ZNF71: variants seen among roughly 807,000 people sequenced by gnomAD.
ZNF71 encodes the protein endothelial zinc finger protein induced by tumor necrosis factor alpha.
A neutral mutation model predicts 6.7 loss-of-function variants in ZNF71; 3 were observed. That is an observed-to-expected ratio of 0.45 (90% CI 0.20 to 1.16). The LOEUF (loss-of-function observed/expected upper bound fraction) is 1.16. Ranked by LOEUF, ZNF71 falls within the 50% of genes most tolerant of loss-of-function variation. The pLI, the probability that ZNF71 is intolerant of heterozygous loss-of-function variation, is 0.25. For missense variants in ZNF71, 688 were observed against 728.6 expected (o/e 0.94, Z 0.64); for synonymous variants, 343 against 311.1 (o/e 1.10, Z -1.08).
chr19:56,595,965 G>A (rs779800346), intron 1 of ZNF71, among the ~76,000 whole-genome samples: 21 of 150,046 alleles, frequency 1.4e-4, no homozygotes, highest in Non-Finnish European at 3.0e-4. Context: ...ATGTATGTCC[G>A]TGTGGGTCAT....
chr19:56,623,540 T>C lies in ZNF71; in HGVS notation c.*783T>C, dbSNP rs1292952991. Reference sequence around the variant, plus strand: ...AAAAGAAACAGCAGCAGGTTTGATATTCAGAAAGAAATATGCATGGATTCA... The same window carrying C: ...AAAAGAAACAGCAGCAGGTTTGATACTCAGAAAGAAATATGCATGGATTCA... On this transcript the variant is annotated 3_prime_UTR_variant, in exon 4 of 4. Transcript: ENST00000599599. 2 of 167,096 alleles carry C rather than the reference T, an allele frequency of 1.2e-5. No homozygotes were observed. The highest frequency in any genetic ancestry group is 4.8e-5 in the African/African-American group (2 of 41,444). The allele number at this position is 167,096 out of a possible 1,614,324, so 10.4% of individuals were successfully genotyped here. A position where few individuals can be genotyped will look rare whatever the true frequency, so the allele number is the denominator to read the frequency against.
At position 56,622,821 on chromosome 19, in the gene ZNF71, GT is replaced by G. The variant is rs1348849042; in HGVS notation, c.*65del. 1 of 1,535,966 alleles carries G rather than the reference GT, an allele frequency of 6.5e-7. No individual in the cohort carries two copies. The highest frequency in any genetic ancestry group is 1.4e-5 in the African/African-American group (1 of 72,770). Reference sequence around the variant, plus strand: ...CGGACGCCAGATGGCTGCGCGCTTTGTCAGCAGTGCTGTGAGAAGTTCTCCC... The same window carrying G: ...CGGACGCCAGATGGCTGCGCGCTTTGCAGCAGTGCTGTGAGAAGTTCTCCC... On this transcript the variant is annotated 3_prime_UTR_variant, in exon 4 of 4. Transcript: ENST00000599599.
At chr19:56,619,065 G>C (rs1196087932) in intron 3 of ZNF71, among the ~76,000 whole-genome samples, 1 of 152,190 alleles carries the variant, frequency 6.6e-6, no homozygotes, top group African/African-American at 2.4e-5. Flanking sequence ...CTTGCCAGCA[G>C]TCAGGACGGT....
chr19:56,622,862 C>G lies in ZNF71; in HGVS notation c.*105C>G. 7.0e-7 allele frequency: 1 copy of G among 1,435,110 alleles called. No homozygotes were observed. Among genetic ancestry groups the G allele is most frequent in the Non-Finnish European group, 9.3e-7 (1 of 1,072,370 alleles). 88.9% of individuals were successfully genotyped at this position (1,435,110 alleles called of 1,614,324 possible). ...GAAGTTCTCCCCTGGGGTGGGGACT[C>G]GGGGTCAGGGGAGCTCAGGAATGTG... On this transcript the variant is annotated 3_prime_UTR_variant, in exon 4 of 4. Coordinates refer to ENST00000599599, the MANE Select transcript of ZNF71 (RefSeq NM_001370215.1).
At chr19:56,612,640 G>T (rs2044760440) in intron 2 of ZNF71, among the ~76,000 whole-genome samples, 1 of 151,704 alleles carries the variant, frequency 6.6e-6, no homozygotes, top group Non-Finnish European at 1.5e-5. Flanking sequence ...CAAGGTGGCA[G>T]GGGGGTGAGG....
chr19:56,621,113 C>T (rs2044841506), intron 3 of ZNF71, among the ~76,000 whole-genome samples, 155 bp from the exon 4 acceptor site: 1 of 152,248 alleles, frequency 6.6e-6, no homozygotes. Flanking sequence ...TCCCTCCTCC[C>T]TCCCTCTCTG....
chr19:56,595,750 GTC>G (rs2044615087), intron 1 of ZNF71, among the ~76,000 whole-genome samples: 1 of 152,074 alleles, frequency 6.6e-6, no homozygotes, highest in Non-Finnish European at 1.5e-5. Flanking sequence ...TTGTGAATGT[GTC>G]TGTGTGTGTG....
chr19:56,605,794 CTG>C (rs2044706368), intron 2 of ZNF71, among the ~76,000 whole-genome samples: 1 of 152,346 alleles, frequency 6.6e-6, no homozygotes, highest in Admixed American at 6.5e-5. Flanking sequence ...CTGGGACACT[CTG>C]TGATATTTAT....
intron 2 of ZNF71, among the ~76,000 whole-genome samples, chr19:56,606,049 G>A (rs1256450872): frequency 6.6e-6 from 1 of 152,188 alleles, no homozygotes; most frequent in Non-Finnish European, 1.5e-5. Context: ...CTACATAGTA[G>A]GGTTCTTTTG....
At position 56,618,612 on chromosome 19, in the gene ZNF71, T is replaced by TG. The variant is rs1022629221; in HGVS notation, c.161-2653dup. On this transcript the variant is annotated intron_variant, in intron 3 of 3. Coordinates refer to ENST00000599599, the MANE Select transcript of ZNF71 (RefSeq NM_001370215.1). This position sits in a 1 kb window ranked among gnomAD's most constrained non-coding sequence, Gnocchi z 4.6. ...CCTTCCTTCCTTACGTAGGGTGGATTGGGAAGGCTCCCGTGGGGTTGTGGG... is the reference window on the plus strand; with the variant it reads ...CCTTCCTTCCTTACGTAGGGTGGATTGGGGAAGGCTCCCGTGGGGTTGTGGG... Among the ~76,000 whole-genome samples the TG allele has an allele frequency of 1.3e-5, 2 of 152,122 alleles. No individual in the cohort carries two copies. The highest frequency in any genetic ancestry group is 4.8e-5 in the African/African-American group (2 of 41,424).
At chr19:56,605,386 T>G (rs549831398) in intron 2 of ZNF71, among the ~76,000 whole-genome samples, 2 of 152,316 alleles carry the variant, frequency 1.3e-5, no homozygotes, top group South Asian at 2.1e-4. Context: ...AGGCCTCAGC[T>G]GTGCCATCCA....
intron 2 of ZNF71, among the ~76,000 whole-genome samples, chr19:56,609,738 T>G (rs2044736542): frequency 6.6e-6 from 1 of 150,400 alleles, no homozygotes; most frequent in Admixed American, 6.6e-5. Flanking sequence ...ATATGGATTT[T>G]GCCTGTCCCG....
chr19:56,618,101 T>C lies in ZNF71; in HGVS notation c.161-3167T>C, dbSNP rs2044811527. On this transcript the variant is annotated intron_variant, in intron 3 of 3. Coordinates refer to ENST00000599599, the MANE Select transcript of ZNF71 (RefSeq NM_001370215.1). This position sits in a 1 kb window ranked among gnomAD's most constrained non-coding sequence, Gnocchi z 4.6. ...ACTAGGGTCTCTAAACCACAATCAT[T>C]CTCCTGCATGAAGTATTTCTCAGTT... 6.6e-6 allele frequency among the ~76,000 whole-genome samples: 1 copy of C among 152,160 alleles called. No individual in the cohort carries two copies. The highest frequency in any genetic ancestry group is 1.5e-5 in the Non-Finnish European group (1 of 68,018).
At chr19:56,612,631 A>G (rs2044760341) in intron 2 of ZNF71, among the ~76,000 whole-genome samples, 1 of 152,154 alleles carries the variant, frequency 6.6e-6, no homozygotes, top group African/African-American at 2.4e-5. Context: ...AGAAGCGGGC[A>G]AGGTGGCAGG....
In ZNF71 at chr19:56,622,512, C is replaced by T. The variant is rs141044734; in HGVS notation, c.1405C>T (p.Pro469Ser). The T allele has an allele frequency of 6.2e-7, 1 of 1,610,132 alleles. No individual in the cohort carries two copies. The highest frequency in any genetic ancestry group is 1.3e-5 in the African/African-American group (1 of 74,864). Residue 469 changes from proline to serine, a missense_variant, in exon 4 of 4, where the codon CCC becomes TCC. Pro to Ser is a moderately conservative substitution (Grantham distance 74). Coordinates refer to ENST00000599599, the MANE Select transcript of ZNF71 (RefSeq NM_001370215.1). ...VHQIVHTGEK[P>S]YVCGECGKAF... The stretch of plus-strand genomic sequence containing the variant: ...CCAGATCGTGCACACCGGGGAGAAG[C>T]CCTACGTGTGCGGCGAGTGCGGCAA...
chr19:56,600,493 G>A (rs372702246), intron 1 of ZNF71, among the ~76,000 whole-genome samples: 1 of 15,630 alleles, frequency 6.4e-5, no homozygotes, highest in Non-Finnish European at 1.5e-4. Context: ...CACCGCGCCC[G>A]GCCCTCTGTA....
At chr19:56,612,956 T>C (rs898394881) in intron 2 of ZNF71, among the ~76,000 whole-genome samples, 4 of 152,158 alleles carry the variant, frequency 2.6e-5, no homozygotes, top group African/African-American at 7.2e-5. Context: ...AGCATATGAA[T>C]TGGAGGGGCT....
rs773637297 is a variant in ZNF71, at chr19:56,621,353, G to A, written c.246G>A (p.Thr82=). 15 of 1,571,538 alleles carry A rather than the reference G, an allele frequency of 9.5e-6. No individual in the cohort carries two copies. The highest frequency in any genetic ancestry group is 1.7e-4 in the Middle Eastern group (1 of 5,852). The change falls in exon 4 of 4, where the codon ACG becomes ACA. Residue 82 remains threonine, a synonymous_variant. Coordinates refer to ENST00000599599, the MANE Select transcript of ZNF71 (RefSeq NM_001370215.1). ...EDKLSVVGEA[T]GGPTRNGARG... ...AGCTCTCCGTTGTTGGGGAGGCCACGGGGGGACCCACGAGGAATGGTGCCA... is the reference window on the plus strand; with the variant it reads ...AGCTCTCCGTTGTTGGGGAGGCCACAGGGGGACCCACGAGGAATGGTGCCA...
Position 56,621,382 on chromosome 19 carries a change from G to GA in ZNF71, c.275_276insA (p.Pro93SerfsTer45), listed in dbSNP as rs771687311. On this transcript the variant is annotated frameshift_variant, in exon 4 of 4. Transcript: ENST00000599599. LOFTEE classifies it low-confidence loss of function (END_TRUNC). Reference sequence around the variant, plus strand: ...GGACCCACGAGGAATGGTGCCAGGGGTCCTGGCTCAGAAGGAGTGTGGGAA... The same window carrying GA: ...GGACCCACGAGGAATGGTGCCAGGGGATCCTGGCTCAGAAGGAGTGTGGGAA... The GA allele has an allele frequency of 2.3e-4, 364 of 1,605,796 alleles. 2 individuals carry two copies. In the Middle Eastern group the frequency reaches 3.5e-3, roughly 15 times the overall value.
Sources: gnomAD v4.1 joint callset for allele counts (sites outside exome capture counted in the v4.1 genomes callset) on GRCh38, gnomAD v4.1.1 for gene constraint, Gnocchi (gnomAD v3.1) non-coding constraint, MANE v1.5 for transcripts, NCBI Gene and HGNC (gene_info 2026-07-23, HGNC 2026-07-21) for gene names.